The following RYR2 variants were observed in gnomAD, a reference collection of about 807,000 sequenced individuals.
RYR2 encodes cardiac muscle ryanodine receptor-calcium release channel.
Under a neutral mutation model 601.1 loss-of-function variants are expected in RYR2, and 227 were observed. That is an observed-to-expected ratio of 0.38 (90% CI 0.34 to 0.42). The LOEUF is 0.42. Among genes scored for constraint, RYR2 ranks in the 10% least tolerant of loss-of-function variants. RYR2 has a pLI of 1.00. For missense variants in RYR2, 4,646 were observed against 6,156.5 expected (o/e 0.75, Z 8.21); for synonymous variants, 2,223 against 2,175.1 (o/e 1.02, Z -0.61).
intron 3 of RYR2, among the ~76,000 whole-genome samples, chr1:237,333,797 A>T (rs771399233): frequency 3.3e-5 from 5 of 152,158 alleles, no homozygotes; most frequent in African/African-American, 7.2e-5. Flanking sequence ...TTAATAAATC[A>T]TGTGTAGTTT....
chr1:237,743,748 A>G (rs1177243690), intron 80 of RYR2: 1 of 427,040 alleles, frequency 2.3e-6, no homozygotes, highest in Non-Finnish European at 4.7e-6. Context: ...TCTTTCTACA[A>G]GTTTGTAGCT....
rs181472320 is a variant in RYR2, at chr1:237,055,057, C to T, written c.48+12488C>T. On this transcript the variant is annotated intron_variant, in intron 1 of 104. Transcript: ENST00000366574. ...TGGTCCCTAGAAGTCCCACCTCTGT[C>T]GGATCCTGTCACGCTCCCAGCCCGC... Among the ~76,000 whole-genome samples, 80 of 152,292 alleles carry T rather than the reference C, an allele frequency of 5.3e-4. 2 individuals are homozygous for T. In the East Asian group the frequency reaches 0.012, roughly 23 times the overall value.
intron 82 of RYR2, among the ~76,000 whole-genome samples, chr1:237,759,405 A>G (rs1178287253): frequency 6.6e-6 from 1 of 152,134 alleles, no homozygotes; most frequent in South Asian, 2.1e-4. Context: ...GTTTAATGAC[A>G]TCACCTTGGT....
intron 15 of RYR2, among the ~76,000 whole-genome samples, chr1:237,455,849 G>A (rs76939978): frequency 2.3e-3 from 357 of 152,270 alleles, no homozygotes; most frequent in African/African-American, 8.1e-3. Context: ...AAATTGTTAG[G>A]CTCTTTTACA....
chr1:237,828,989 G>A (rs984800505), intron 102 of RYR2, among the ~76,000 whole-genome samples: 5 of 152,172 alleles, frequency 3.3e-5, no homozygotes, highest in African/African-American at 4.8e-5. Flanking sequence ...GGACCTTTGA[G>A]CCCATCACCA....
chr1:237,572,424 C>A (rs1478091655), intron 29 of RYR2, among the ~76,000 whole-genome samples: 3 of 152,160 alleles, frequency 2.0e-5, no homozygotes, highest in Non-Finnish European at 4.4e-5. Context: ...AAGCACGTAA[C>A]AAATGTTCAT....
At position 237,649,900 on chromosome 1, in the gene RYR2, G is replaced by A; in HGVS notation, c.7536G>A (p.Met2512Ile). 6.2e-7 allele frequency: 1 copy of A among 1,613,838 alleles called. No homozygotes were observed. Among genetic ancestry groups the A allele is most frequent in the Non-Finnish European group, 8.5e-7 (1 of 1,179,874 alleles). Residue 2512 changes from methionine (M) to isoleucine (I), a missense_variant, in exon 50 of 105, where the codon ATG (methionine) becomes ATA (isoleucine). Physicochemically the swap from Met to Ile is conservative, Grantham distance 10 (BLOSUM62 1). Coordinates refer to ENST00000366574, the MANE Select transcript of RYR2 (RefSeq NM_001035.3). The part of the protein sequence containing the change: ...LDTAALSATD[M>I]ALALNRYLCT... ...AGGCAGCTTTGAGTGCTACAGACATGGCCTTGGCCCTCAATCGGTACCTTT... is the reference window on the plus strand; with the variant it reads ...AGGCAGCTTTGAGTGCTACAGACATAGCCTTGGCCCTCAATCGGTACCTTT...
intron 2 of RYR2, among the ~76,000 whole-genome samples, chr1:237,281,170 A>G (rs1354912962): frequency 6.6e-6 from 1 of 152,158 alleles, no homozygotes; most frequent in Non-Finnish European, 1.5e-5. Flanking sequence ...ACATAATTGA[A>G]ATTCCCAAAA....
intron 17 of RYR2, among the ~76,000 whole-genome samples, chr1:237,469,662 A>C (rs773538448): frequency 6.6e-6 from 1 of 152,176 alleles, no homozygotes; most frequent in African/African-American, 2.4e-5. Flanking sequence ...CTGCTAGTCT[A>C]TTCTATAAAT....
At chr1:237,694,243 G>A (rs367829523) in intron 63 of RYR2, among the ~76,000 whole-genome samples, 7 of 148,414 alleles carry the variant, frequency 4.7e-5, no homozygotes, top group Admixed American at 1.4e-4. Flanking sequence ...GCAGTGAGCC[G>A]AGATCATGCC....
At chr1:237,519,738 C>T (rs1176423840) in intron 24 of RYR2, among the ~76,000 whole-genome samples, 1 of 151,990 alleles carries the variant, frequency 6.6e-6, no homozygotes, top group East Asian at 1.9e-4. Flanking sequence ...TTATTTACCC[C>T]TCAGGATTGC....
intron 1 of RYR2, among the ~76,000 whole-genome samples, chr1:237,221,591 T>A (rs1206909517): frequency 6.6e-6 from 1 of 152,198 alleles, no homozygotes; most frequent in East Asian, 1.9e-4. Context: ...TGTATTTGAG[T>A]TAGTCACATG....
intron 1 of RYR2, among the ~76,000 whole-genome samples, chr1:237,050,143 G>A (rs940867417): frequency 6.6e-6 from 1 of 152,116 alleles, no homozygotes; most frequent in Non-Finnish European, 1.5e-5. Flanking sequence ...AGAGAGAGAG[G>A]AGCCACTGAC....
At chr1:237,094,304 A>G (rs1275867153) in intron 1 of RYR2, among the ~76,000 whole-genome samples, 1 of 152,234 alleles carries the variant, frequency 6.6e-6, no homozygotes, top group Non-Finnish European at 1.5e-5. Context: ...TACCGTAGTT[A>G]CACTTTAACT....
intron 26 of RYR2, among the ~76,000 whole-genome samples, chr1:237,549,628 CTT>C (rs57579159): frequency 0.23 from 18,204 of 77,654 alleles, 1,709 homozygotes; most frequent in Middle Eastern, 0.37. Flanking sequence ...CCATAGCTTT[CTT>C]TTTTTTTTTT....
intron 1 of RYR2, among the ~76,000 whole-genome samples, chr1:237,139,961 T>C (rs1309456219): frequency 6.6e-6 from 1 of 152,206 alleles, no homozygotes; most frequent in Non-Finnish European, 1.5e-5. Context: ...GTGTAGGCGA[T>C]GTGTGCCTGA....
At chr1:237,518,607 T>G (rs1248830882) in intron 24 of RYR2, among the ~76,000 whole-genome samples, 13 of 152,204 alleles carry the variant, frequency 8.5e-5, no homozygotes, top group Non-Finnish European at 1.9e-4. Context: ...TCTTTACTGC[T>G]GAATAATAGT....
chr1:237,174,519 T>C (rs1175998406), intron 1 of RYR2, among the ~76,000 whole-genome samples: 1 of 152,184 alleles, frequency 6.6e-6, no homozygotes, highest in African/African-American at 2.4e-5. Context: ...TCCCTCACTG[T>C]TCACCCACTA....
chr1:237,361,107 G>A (rs1312093590), intron 4 of RYR2, among the ~76,000 whole-genome samples: 4 of 152,284 alleles, frequency 2.6e-5, no homozygotes, highest in Middle Eastern at 3.4e-3. Context: ...CTCCCAAAGT[G>A]CTGGGATTAC....
Sources: allele counts gnomAD v4.1 joint callset (sites outside exome capture counted in the v4.1 genomes callset), GRCh38; gene constraint gnomAD v4.1.1; transcripts MANE v1.5; gene names NCBI Gene and HGNC (gene_info 2026-07-23, HGNC 2026-07-21).